The following COMMD10 variants were observed in gnomAD, a reference collection of about 807,000 sequenced individuals.
COMMD10 encodes COMM domain containing 10.
In COMMD10, 33 loss-of-function variants were observed where a neutral mutation model predicts 28.9. The observed-to-expected ratio is 1.14, with a 90% CI of 0.87 to 1.53. The LOEUF (loss-of-function observed/expected upper bound fraction) is 1.53. Among genes scored for constraint, COMMD10 ranks in the 40% most tolerant of loss-of-function variants. The pLI, the probability that COMMD10 is intolerant of heterozygous loss-of-function variation, is 0.00. For synonymous variants in COMMD10, 110 were observed against 81.7 expected, an observed-to-expected ratio of 1.35 and a Z score of -1.87; for missense variants, 310 against 233.4, an observed-to-expected ratio of 1.33 and a Z score of -2.14.
intron 5 of COMMD10, among the ~76,000 whole-genome samples, chr5:116,148,757 A>G (rs62385178): frequency 0.075 from 11,380 of 151,966 alleles, 510 homozygotes; most frequent in Admixed American, 0.13. Context: ...ATCAAAGAAC[A>G]TTGTCAAGAA....
intron 4 of COMMD10, among the ~76,000 whole-genome samples, chr5:116,108,629 G>C (rs77904626): frequency 0.054 from 8,189 of 152,246 alleles, 312 homozygotes; most frequent in African/African-American, 0.11. Flanking sequence ...CTGTACTCTG[G>C]GGTTGGGACC....
chr5:116,172,809 T>A (rs556486903), intron 5 of COMMD10, among the ~76,000 whole-genome samples: 1 of 152,152 alleles, frequency 6.6e-6, no homozygotes, highest in Non-Finnish European at 1.5e-5. Flanking sequence ...GATAGTAAGA[T>A]TTTGGAGCTT....
intron 5 of COMMD10, among the ~76,000 whole-genome samples, chr5:116,216,739 T>C (rs534986480): frequency 2.4e-4 from 36 of 152,262 alleles, no homozygotes; most frequent in African/African-American, 7.7e-4. Flanking sequence ...TTTCACCATG[T>C]TGGCCAGGAT....
intron 5 of COMMD10, chr5:116,218,146 C>G (rs1027041866): frequency 6.2e-6 from 7 of 1,133,430 alleles, no homozygotes; most frequent in Non-Finnish European, 9.4e-6. Context: ...TGGGTACCTT[C>G]TCTCCCTTCT....
chr5:116,209,876 C>T (rs983753262), intron 5 of COMMD10, among the ~76,000 whole-genome samples: 1 of 152,052 alleles, frequency 6.6e-6, no homozygotes, highest in African/African-American at 2.4e-5. Context: ...TATATAGTTA[C>T]TCTCTTTATT....
At chr5:116,241,583 C>CTTAT (rs61328599) in intron 5 of COMMD10, among the ~76,000 whole-genome samples, 69,630 of 140,082 alleles carry the variant, frequency 0.5, 17,754 homozygotes, top group East Asian at 0.63. Flanking sequence ...ACTCTGCTTT[C>CTTAT]TTATTTATTT....
chr5:116,155,197 G>A (rs1332138448), intron 5 of COMMD10, among the ~76,000 whole-genome samples: 2 of 152,066 alleles, frequency 1.3e-5, no homozygotes, highest in South Asian at 2.1e-4. Flanking sequence ...GGACTTAATT[G>A]TCTGCATTAT....
At chr5:116,285,236 T>C (rs1000465870) in intron 5 of COMMD10, among the ~76,000 whole-genome samples, 4 of 151,988 alleles carry the variant, frequency 2.6e-5, no homozygotes, top group African/African-American at 9.7e-5. Flanking sequence ...GCTACCGAAC[T>C]CTTAAATGTG....
At position 116,085,036 on chromosome 5, in the gene COMMD10, G is replaced by C; in HGVS notation, c.-17G>C. 1 of 1,604,940 alleles carries C rather than the reference G, an allele frequency of 6.2e-7. No homozygotes were observed. The highest frequency in any genetic ancestry group is 8.5e-7 in the Non-Finnish European group (1 of 1,177,388). On this transcript the variant is annotated 5_prime_UTR_variant, in exon 1 of 7. Coordinates refer to ENST00000274458, the MANE Select transcript of COMMD10 (RefSeq NM_016144.4). ...TCGGCGCAGCTAACAGACGGCGGCA[G>C]TGCGAGAAAGCCGAAGATGGCGGTC...
chr5:116,123,793 C>G (rs1751522593), intron 4 of COMMD10, among the ~76,000 whole-genome samples: 2 of 151,876 alleles, frequency 1.3e-5, no homozygotes, highest in Non-Finnish European at 2.9e-5. Context: ...CTGGTGTAGT[C>G]TTGGGAGGGT....
chr5:116,218,004 T>TA, intron 5 of COMMD10: 1 of 997,954 alleles, frequency 1.0e-6, no homozygotes, highest in Non-Finnish European at 1.6e-6. Context: ...AGTACACAGT[T>TA]ATCAAAAATG....
At chr5:116,106,459 T>G (rs565197538) in intron 4 of COMMD10, among the ~76,000 whole-genome samples, 7 of 152,220 alleles carry the variant, frequency 4.6e-5, no homozygotes, top group Middle Eastern at 3.2e-3. Context: ...ATGTATATTC[T>G]GTTGATTTGG....
chr5:116,171,490 A>G (rs186166411), intron 5 of COMMD10, among the ~76,000 whole-genome samples: 1 of 152,206 alleles, frequency 6.6e-6, no homozygotes. Flanking sequence ...ATATACCCAG[A>G]TGATTATAAA....
chr5:116,202,914 G>T lies in COMMD10; in HGVS notation c.510+68736G>T, dbSNP rs185992788. 1.2e-3 allele frequency among the ~76,000 whole-genome samples: 190 copies of T among 152,126 alleles called. 1 individual carries two copies. The highest frequency in any genetic ancestry group is 1.7e-3 in the Non-Finnish European group (118 of 68,014). ...AATTAAATCCCATTTGTCAATTTTG[G>T]CTTTTGTTGCCATTGCTTTTGGTGT... On this transcript the variant is annotated intron_variant, in intron 5 of 6. Transcript: ENST00000274458.
intron 2 of COMMD10, among the ~76,000 whole-genome samples, chr5:116,089,723 A>C (rs1239158438): frequency 6.6e-6 from 1 of 152,184 alleles, no homozygotes; most frequent in East Asian, 1.9e-4. Flanking sequence ...TGAAAAGTGA[A>C]GTTACCCGTC....
intron 5 of COMMD10, among the ~76,000 whole-genome samples, chr5:116,247,662 G>A (rs1427100274): frequency 6.6e-6 from 1 of 151,994 alleles, no homozygotes; most frequent in Non-Finnish European, 1.5e-5. Context: ...TCCTTTGCAG[G>A]GACATGGATG....
At chr5:116,155,811 G>A (rs1752686942) in intron 5 of COMMD10, among the ~76,000 whole-genome samples, 1 of 151,924 alleles carries the variant, frequency 6.6e-6, no homozygotes, top group African/African-American at 2.4e-5. Flanking sequence ...TTAAACAATA[G>A]GGGTTTACCT....
chr5:116,237,492 A>G (rs951763448), intron 5 of COMMD10, among the ~76,000 whole-genome samples: 42 of 152,100 alleles, frequency 2.8e-4, no homozygotes, highest in Non-Finnish European at 5.0e-4. Context: ...TCAAGCTTTT[A>G]TTTTAAAATG....
intron 5 of COMMD10, among the ~76,000 whole-genome samples, chr5:116,225,701 A>G (rs963511764): frequency 4.6e-5 from 7 of 152,052 alleles, no homozygotes; most frequent in South Asian, 4.1e-4. Context: ...TTTGGGCCCT[A>G]TACTCTGACA....
Sources: gnomAD v4.1 joint callset for allele counts (sites outside exome capture counted in the v4.1 genomes callset) on GRCh38, gnomAD v4.1.1 for gene constraint, MANE v1.5 for transcripts, NCBI Gene and HGNC (gene_info 2026-07-23, HGNC 2026-07-21) for gene names.